Variants in IL1RAPL2 observed in about 807,000 individuals in gnomAD.
The protein encoded by IL1RAPL2 is X-linked interleukin-1 receptor accessory protein-like 2.
Under a neutral mutation model 44.1 loss-of-function variants are expected in IL1RAPL2, and 3 were observed. The ratio of observed to expected loss-of-function variants is 0.07; its 90% CI spans 0.03 to 0.18. The LOEUF (loss-of-function observed/expected upper bound fraction) is 0.18, where lower values mean the gene tolerates loss of function less well. Among genes scored for constraint, IL1RAPL2 ranks in the 10% least tolerant of loss-of-function variants. The pLI, the probability that IL1RAPL2 is intolerant of heterozygous loss-of-function variation, is 1.00. For synonymous variants in IL1RAPL2, 181 were observed against 178.8 expected (o/e 1.01, Z -0.10); for missense variants, 391 against 496.4 (o/e 0.79, Z 2.02).
chrX:105,442,297 C>T (rs2035925857), intron 5 of IL1RAPL2, among the ~76,000 whole-genome samples: 1 of 110,260 alleles, frequency 9.1e-6, no homozygotes, highest in Non-Finnish European at 1.9e-5. Flanking sequence ...ATCTCCTGAA[C>T]TCGTGATCCA....
At chrX:104,946,457 C>T (rs1371573042) in intron 2 of IL1RAPL2, among the ~76,000 whole-genome samples, 1 of 88,560 alleles carries the variant, frequency 1.1e-5, no homozygotes, top group African/African-American at 4.3e-5. Context: ...GGTACATGTG[C>T]ACAATGTGCA....
chrX:105,350,466 G>A (rs111557944), intron 5 of IL1RAPL2, among the ~76,000 whole-genome samples: 1,525 of 112,248 alleles, frequency 0.014, 29 homozygotes, highest in African/African-American at 0.045. Flanking sequence ...GCTCACGCCC[G>A]TAATCCCAGC....
intron 2 of IL1RAPL2, among the ~76,000 whole-genome samples, chrX:104,941,151 C>G (rs778508779): frequency 9.1e-6 from 1 of 110,330 alleles, no homozygotes; most frequent in East Asian, 2.9e-4. Flanking sequence ...TGAATAGTGC[C>G]GCAATAAACA....
rs371932306 is a variant in IL1RAPL2 at position 104,682,370 on chromosome X, C to T, written c.82+23375C>T. Among the ~76,000 whole-genome samples, 20 of 112,244 alleles carry T rather than the reference C, an allele frequency of 1.8e-4. No homozygotes were observed. In the East Asian group the frequency reaches 4.2e-3, roughly 24 times the overall value. ...GGCTGGTGACTAACATAGGTGACTG[C>T]TTTGTTAACTAAAGGAAAATATTCA... On this transcript the variant is annotated intron_variant, in intron 2 of 10. Transcript: ENST00000372582.
chrX:105,358,649 T>C (rs2035223494), intron 5 of IL1RAPL2, among the ~76,000 whole-genome samples: 1 of 94,878 alleles, frequency 1.1e-5, no homozygotes, highest in Admixed American at 1.3e-4. Context: ...CACTCCAGCC[T>C]GGGCAATAGA....
chrX:105,069,944 A>G (rs893534277), intron 2 of IL1RAPL2, among the ~76,000 whole-genome samples: 1 of 112,224 alleles, frequency 8.9e-6, no homozygotes, highest in African/African-American at 3.2e-5. Flanking sequence ...GAAAGATCTC[A>G]GCACAGCTTC....
chrX:105,474,868 CA>C (rs1007878507), intron 5 of IL1RAPL2, among the ~76,000 whole-genome samples: 2 of 108,971 alleles, frequency 1.8e-5, no homozygotes, highest in African/African-American at 6.7e-5. Flanking sequence ...AACACACACA[CA>C]AAAAAACAGT....
intron 6 of IL1RAPL2, among the ~76,000 whole-genome samples, chrX:105,507,630 T>C (rs2036440414): frequency 9.0e-6 from 1 of 111,652 alleles, no homozygotes; most frequent in Admixed American, 9.6e-5. Flanking sequence ...TAGATCCACC[T>C]TACAAATAGG....
chrX:104,713,787 A>C (rs920011750), intron 2 of IL1RAPL2, among the ~76,000 whole-genome samples: 1 of 110,514 alleles, frequency 9.0e-6, no homozygotes, highest in Non-Finnish European at 1.9e-5. Flanking sequence ...TCAGGGGCTT[A>C]GACTGCTTTG....
At chrX:105,576,500 T>C (rs928364469) in intron 6 of IL1RAPL2, among the ~76,000 whole-genome samples, 1 of 111,614 alleles carries the variant, frequency 9.0e-6, no homozygotes, top group Non-Finnish European at 1.9e-5. Flanking sequence ...AGTAAGTCAA[T>C]AGGTCAGCAG....
At chrX:105,687,550 G>C (rs922496908) in intron 6 of IL1RAPL2, among the ~76,000 whole-genome samples, 2 of 111,486 alleles carry the variant, frequency 1.8e-5, no homozygotes, top group Middle Eastern at 4.7e-3. Flanking sequence ...TCTCTGAATA[G>C]ACCAATAATA....
intron 2 of IL1RAPL2, among the ~76,000 whole-genome samples, chrX:104,713,210 C>G (rs1174870276): frequency 9.1e-6 from 1 of 110,426 alleles, no homozygotes; most frequent in Non-Finnish European, 1.9e-5. Context: ...TAGGATGGCT[C>G]TAACCTGGCC....
Position 104,948,400 on chromosome X carries a change from A to T in IL1RAPL2, c.83-247075A>T, listed in dbSNP as rs1256941506. Reference sequence around the variant, plus strand: ...TGACTTCCTCTTTTCCTAATTGAATACCCTTTATTTCCTTCTCCTGCCTAA... The same window carrying T: ...TGACTTCCTCTTTTCCTAATTGAATTCCCTTTATTTCCTTCTCCTGCCTAA... On this transcript the variant is annotated intron_variant, in intron 2 of 10. Transcript: ENST00000372582. Among the ~76,000 whole-genome samples the T allele has an allele frequency of 4.9e-5, 5 of 102,900 alleles. No individual in the cohort carries two copies. In the Admixed American group the frequency reaches 5.4e-4, roughly 11 times the overall value. The allele number at this position is 102,900 out of a possible 115,157, so 89.4% of individuals were successfully genotyped here.
At chrX:105,228,940 C>T (rs1156913528) in intron 3 of IL1RAPL2, among the ~76,000 whole-genome samples, 2 of 112,321 alleles carry the variant, frequency 1.8e-5, no homozygotes, top group Non-Finnish European at 3.7e-5. Flanking sequence ...AGATAATACA[C>T]ATAGAAGTAC....
intron 6 of IL1RAPL2, among the ~76,000 whole-genome samples, chrX:105,615,239 C>T (rs912375147): frequency 9.0e-6 from 1 of 110,546 alleles, no homozygotes; most frequent in Non-Finnish European, 1.9e-5. Flanking sequence ...TGGGAATGTA[C>T]ATTAGTACAA....
intron 2 of IL1RAPL2, among the ~76,000 whole-genome samples, chrX:104,662,742 C>T (rs1930424904): frequency 8.9e-6 from 1 of 111,751 alleles, no homozygotes; most frequent in Non-Finnish European, 1.9e-5. Context: ...TAAATCATCC[C>T]CTTAACTTTC....
intron 6 of IL1RAPL2, among the ~76,000 whole-genome samples, chrX:105,523,617 T>A (rs2036575052): frequency 8.9e-6 from 1 of 111,757 alleles, no homozygotes; most frequent in African/African-American, 3.2e-5. Flanking sequence ...TCCTCATATT[T>A]ACATATCTTT....
intron 5 of IL1RAPL2, among the ~76,000 whole-genome samples, chrX:105,394,214 G>T (rs992870156): frequency 1.8e-5 from 2 of 111,946 alleles, no homozygotes. Flanking sequence ...ATTAGAAAAA[G>T]ATCTTTTTGG....
chrX:104,807,318 A>G (rs889789561), intron 2 of IL1RAPL2, among the ~76,000 whole-genome samples: 17 of 111,518 alleles, frequency 1.5e-4, no homozygotes, highest in Non-Finnish European at 2.3e-4. Flanking sequence ...ATTCTTAAGT[A>G]TTTACGGGAA....
Sources: allele counts gnomAD v4.1 joint callset (sites outside exome capture counted in the v4.1 genomes callset), GRCh38; gene constraint gnomAD v4.1.1; transcripts MANE v1.5; gene names NCBI Gene and HGNC (gene_info 2026-07-23, HGNC 2026-07-21).